The following RGS7 variants were observed in gnomAD, a reference collection of about 807,000 sequenced individuals.
RGS7 encodes the protein regulator of G protein signaling 7, also known as regulator of G-protein signaling 7.
Under a neutral mutation model 81.1 loss-of-function variants are expected in RGS7, and 27 were observed. The ratio of observed to expected loss-of-function variants is 0.33; its 90% CI spans 0.25 to 0.46. The LOEUF is 0.46. Among genes scored for constraint, RGS7 ranks in the 20% least tolerant of loss-of-function variants. The pLI, the probability that RGS7 is intolerant of heterozygous loss-of-function variation, is 1.00. For synonymous variants in RGS7, 208 were observed against 207.7 expected (o/e 1.00, Z -0.01); for missense variants, 396 against 607.4 (o/e 0.65, Z 3.66).
chr1:240,869,929 A>T, intron 7 of RGS7, 126 bp downstream of exon 7: 1 of 870,010 alleles, frequency 1.1e-6, no homozygotes, highest in Non-Finnish European at 2.0e-6. Flanking sequence ...GACAAGAGTG[A>T]AACTCCATCT....
chr1:240,892,927 T>A (rs1668496665), intron 6 of RGS7, among the ~76,000 whole-genome samples: 1 of 152,134 alleles, frequency 6.6e-6, no homozygotes, highest in Non-Finnish European at 1.5e-5. Flanking sequence ...AGATACTTAG[T>A]GTCTTTAGAG....
chr1:241,057,849 G>A (rs899348936), intron 3 of RGS7, among the ~76,000 whole-genome samples: 28 of 152,168 alleles, frequency 1.8e-4, no homozygotes, highest in African/African-American at 3.6e-4. Flanking sequence ...GCGACAAAGC[G>A]AGACTCTATC....
At chr1:241,011,370 G>A (rs1447716419) in intron 3 of RGS7, among the ~76,000 whole-genome samples, 6 of 152,172 alleles carry the variant, frequency 3.9e-5, no homozygotes, top group Non-Finnish European at 7.4e-5. Flanking sequence ...GCAGCCTCAT[G>A]AAAGAGGCCA....
chr1:241,044,386 A>C (rs1262978354), intron 3 of RGS7, among the ~76,000 whole-genome samples: 1 of 152,018 alleles, frequency 6.6e-6, no homozygotes, highest in Non-Finnish European at 1.5e-5. Flanking sequence ...TTGGGAATAC[A>C]GGCATGAGCT....
intron 2 of RGS7, among the ~76,000 whole-genome samples, chr1:241,264,310 C>T (rs931087133): frequency 6.6e-6 from 1 of 152,064 alleles, no homozygotes; most frequent in Non-Finnish European, 1.5e-5. Context: ...CCAGCCTGGC[C>T]AACATGGTGA....
rs546218624 is a variant in RGS7, at chr1:240,898,131, C to A, written c.386-28012G>T. On this transcript the variant is annotated intron_variant, in intron 6 of 18. Coordinates refer to ENST00000440928, the MANE Select transcript of RGS7 (RefSeq NM_001364886.1). ...TTTCTGTGGGATTGGTGGTGATATA[C>A]CCTTTATCATTTTTTATTGCATCTA... Among the ~76,000 whole-genome samples the A allele has an allele frequency of 8.2e-4, 125 of 152,112 alleles. 1 individual carries two copies. The highest frequency in any genetic ancestry group is 2.8e-3 in the African/African-American group (118 of 41,504).
At chr1:241,147,146 A>G (rs565083643) in intron 2 of RGS7, among the ~76,000 whole-genome samples, 1 of 152,158 alleles carries the variant, frequency 6.6e-6, no homozygotes, top group African/African-American at 2.4e-5. Context: ...TAACACACAC[A>G]CACGACTCCA....
At chr1:241,139,112 T>C (rs961651454) in intron 2 of RGS7, among the ~76,000 whole-genome samples, 1 of 152,184 alleles carries the variant, frequency 6.6e-6, no homozygotes, top group Admixed American at 6.5e-5. Flanking sequence ...TCATCTATGT[T>C]GTAGCATGCG....
chr1:241,115,529 T>C (rs1252874896), intron 2 of RGS7, among the ~76,000 whole-genome samples: 1 of 152,166 alleles, frequency 6.6e-6, no homozygotes, highest in East Asian at 1.9e-4. Flanking sequence ...GAATTCTCAA[T>C]AGGGGAAGAA....
At chr1:240,849,172 A>G (rs1659636626) in intron 9 of RGS7, among the ~76,000 whole-genome samples, 1 of 152,180 alleles carries the variant, frequency 6.6e-6, no homozygotes, top group Non-Finnish European at 1.5e-5. Flanking sequence ...TGTATCTCTT[A>G]AACAGATCTA....
intron 2 of RGS7, among the ~76,000 whole-genome samples, chr1:241,277,670 T>C (rs895713068): frequency 6.6e-6 from 1 of 151,468 alleles, no homozygotes; most frequent in African/African-American, 2.4e-5. Context: ...GGTGTAAGCA[T>C]TGCCATCCCA....
chr1:240,913,771 A>T (rs1241288832), intron 6 of RGS7, among the ~76,000 whole-genome samples: 1 of 151,982 alleles, frequency 6.6e-6, no homozygotes, highest in African/African-American at 2.4e-5. Flanking sequence ...CAGTTATCCC[A>T]GAGCATCTGT....
intron 2 of RGS7, among the ~76,000 whole-genome samples, chr1:241,191,001 G>A (rs970943742): frequency 3.7e-5 from 5 of 134,442 alleles, no homozygotes; most frequent in African/African-American, 1.4e-4. Context: ...TTTTTTTTTT[G>A]CGACGGAGTC....
At chr1:241,290,911 T>C (rs1391232449) in intron 2 of RGS7, among the ~76,000 whole-genome samples, 1 of 152,236 alleles carries the variant, frequency 6.6e-6, no homozygotes, top group Non-Finnish European at 1.5e-5. Flanking sequence ...GATTTGTATG[T>C]ATGTATGCAA....
intron 2 of RGS7, among the ~76,000 whole-genome samples, chr1:241,222,683 G>A (rs148522692): frequency 9.9e-4 from 151 of 152,232 alleles, no homozygotes; most frequent in African/African-American, 3.5e-3. Flanking sequence ...CATTTTAAAT[G>A]AGAGAAGCAA....
rs193084859 is a variant in RGS7 at position 241,049,330 on chromosome 1, T to C, written c.175+49336A>G. Among the ~76,000 whole-genome samples the C allele has an allele frequency of 1.6e-3, 251 of 152,378 alleles. 4 individuals are homozygous for C. Among genetic ancestry groups the C allele is most frequent in the African/African-American group, 5.7e-3 (236 of 41,592 alleles). ...TCTCATACCCCTCTTTACAGAGTTCTGAGTTGTCTTCGTGAATTCTTATTT... is the reference window on the plus strand; with the variant it reads ...TCTCATACCCCTCTTTACAGAGTTCCGAGTTGTCTTCGTGAATTCTTATTT... On this transcript the variant is annotated intron_variant, in intron 3 of 18. Coordinates refer to ENST00000440928, the MANE Select transcript of RGS7 (RefSeq NM_001364886.1).
chr1:241,322,028 G>GT (rs2081242845), intron 2 of RGS7, among the ~76,000 whole-genome samples: 1 of 152,028 alleles, frequency 6.6e-6, no homozygotes, highest in African/African-American at 2.4e-5. Context: ...CCCTCTCACG[G>GT]TTTTTCCCAC....
chr1:241,272,626 T>C (rs2077977632), intron 2 of RGS7, among the ~76,000 whole-genome samples: 1 of 152,202 alleles, frequency 6.6e-6, no homozygotes, highest in Non-Finnish European at 1.5e-5. Flanking sequence ...TTAAGTTTAA[T>C]ATCTCTCCAA....
intron 3 of RGS7, among the ~76,000 whole-genome samples, chr1:241,065,879 C>A (rs2062032089): frequency 6.6e-6 from 1 of 152,122 alleles, no homozygotes; most frequent in Non-Finnish European, 1.5e-5. Context: ...TAGTATCTCG[C>A]AAGATTGTTG....
Sources: gnomAD v4.1 joint callset for allele counts (sites outside exome capture counted in the v4.1 genomes callset) on GRCh38, gnomAD v4.1.1 for gene constraint, MANE v1.5 for transcripts, NCBI Gene and HGNC (gene_info 2026-07-23, HGNC 2026-07-21) for gene names.